Variants in RNF145 observed in about 807,000 individuals in gnomAD.
The protein encoded by RNF145 is ring finger protein 145.
Under a neutral mutation model 57.3 loss-of-function variants are expected in RNF145, and 12 were observed. The ratio of observed to expected loss-of-function variants is 0.21; its 90% CI spans 0.13 to 0.34. The LOEUF (loss-of-function observed/expected upper bound fraction) is 0.34. Among genes scored for constraint, RNF145 ranks in the 10% least tolerant of loss-of-function variants. The probability of loss-of-function intolerance (pLI) is 1.00; values close to 1 mark genes in which losing one functional copy is unlikely to be tolerated. For missense variants in RNF145, 429 were observed against 799.0 expected (o/e 0.54, Z 5.58); for synonymous variants, 262 against 288.3 (o/e 0.91, Z 0.92).
intron 4 of RNF145, 118 bp downstream of exon 4, chr5:159,181,842 G>A: frequency 8.2e-6 from 5 of 611,282 alleles, no homozygotes; most frequent in South Asian, 2.2e-5. Context: ...TGTGGGAAAA[G>A]TCCCCATGAA....
intron 3 of RNF145, among the ~76,000 whole-genome samples, chr5:159,184,380 A>G (rs1159636020): frequency 1.3e-5 from 2 of 152,306 alleles, no homozygotes; most frequent in Middle Eastern, 3.4e-3. Context: ...TTTTAACTCA[A>G]AAAGAAATTA....
chr5:159,200,505 T>C (rs1562075633), intron 2 of RNF145, among the ~76,000 whole-genome samples: 1 of 152,032 alleles, frequency 6.6e-6, no homozygotes, highest in East Asian at 1.9e-4. Flanking sequence ...AAATTATACC[T>C]ATAACACACT....
intron 4 of RNF145, 146 bp downstream of exon 4, chr5:159,181,814 C>G (rs1269186117): frequency 4.0e-6 from 2 of 500,164 alleles, no homozygotes; most frequent in Middle Eastern, 5.6e-4. Context: ...AAAAAAAAAC[C>G]ACCAAACAAT....
intron 1 of RNF145, chr5:159,207,854 C>G (rs1785953143): frequency 6.2e-7 from 1 of 1,614,064 alleles, no homozygotes; most frequent in African/African-American, 1.3e-5. Flanking sequence ...CATCTTTCAA[C>G]TTAAGGAACA....
chr5:159,179,409 G>A (rs1784814842), intron 4 of RNF145, among the ~76,000 whole-genome samples: 1 of 152,014 alleles, frequency 6.6e-6, no homozygotes, highest in South Asian at 2.1e-4. Context: ...ATCTCCAAGA[G>A]GTTGGCAACC....
intron 6 of RNF145, among the ~76,000 whole-genome samples, chr5:159,170,443 TG>T (rs1784511358): frequency 6.6e-6 from 1 of 152,204 alleles, no homozygotes; most frequent in African/African-American, 2.4e-5. Context: ...AAGTTTGCTA[TG>T]ATACTATTCA....
chr5:159,186,107 C>A (rs1316073873), intron 3 of RNF145, among the ~76,000 whole-genome samples: 1 of 152,102 alleles, frequency 6.6e-6, no homozygotes. Context: ...TGCCTATAGT[C>A]CCGGCTACTT....
rs1423835300 is a variant in RNF145, at chr5:159,163,913, T to C, written c.1122-834A>G. 3.3e-5 allele frequency among the ~76,000 whole-genome samples: 5 copies of C among 152,292 alleles called. No individual in the cohort carries two copies. The East Asian group carries it at 9.6e-4, about 29-fold the overall frequency. ...CATTTCTCTAAACCCTTTAGGCTAG[T>C]TCAAGCTAAACAACTTTGGCTTTCA... On this transcript the variant is annotated intron_variant, in intron 8 of 10. Transcript: ENST00000424310.
chr5:159,201,726 T>C (rs1363493383), intron 2 of RNF145, among the ~76,000 whole-genome samples: 1 of 152,210 alleles, frequency 6.6e-6, no homozygotes, highest in Non-Finnish European at 1.5e-5. Flanking sequence ...ATATACATTT[T>C]TTATATTTAC....
At position 159,157,996 on chromosome 5, in the gene RNF145, C is replaced by T. The variant is rs2113057999; in HGVS notation, c.*674G>A. On this transcript the variant is annotated 3_prime_UTR_variant, in exon 11 of 11. Transcript: ENST00000424310. ...TACATCAAAATACTGAAGACTCCGTCATAAAGTTCAAGAGTCTCAGATTAC... is the reference window on the plus strand; with the variant it reads ...TACATCAAAATACTGAAGACTCCGTTATAAAGTTCAAGAGTCTCAGATTAC... The T allele has an allele frequency of 6.5e-6, 1 of 152,866 alleles. No homozygotes were observed. Among genetic ancestry groups the T allele is most frequent in the Admixed American group, 6.5e-5 (1 of 15,298 alleles). 9.5% of individuals were successfully genotyped at this position (152,866 alleles called of 1,614,324 possible). A position where few individuals can be genotyped will look rare whatever the true frequency, so the allele number is the denominator to read the frequency against.
chr5:159,183,437 T>C (rs575999685), intron 3 of RNF145, among the ~76,000 whole-genome samples: 2 of 152,258 alleles, frequency 1.3e-5, no homozygotes, highest in Non-Finnish European at 2.9e-5. Flanking sequence ...CAAAAAATCA[T>C]CCAGTCCAAA....
intron 5 of RNF145, among the ~76,000 whole-genome samples, chr5:159,174,967 A>C (rs2113131892): frequency 6.6e-6 from 1 of 152,308 alleles, no homozygotes; most frequent in African/African-American, 2.4e-5. Context: ...ACACAGCAGG[A>C]ATTCTGCTGG....
intron 4 of RNF145, among the ~76,000 whole-genome samples, chr5:159,179,195 G>A (rs962516455): frequency 6.6e-6 from 1 of 152,010 alleles, no homozygotes; most frequent in Non-Finnish European, 1.5e-5. Flanking sequence ...TTTCATAGAA[G>A]AATATGACTC....
chr5:159,208,224 C>A lies in RNF145; in HGVS notation c.-40+1007G>T, dbSNP rs1047105471. 4.1e-6 allele frequency: 5 copies of A among 1,213,684 alleles called. No homozygotes were observed. The African/African-American group carries it at 7.6e-5, about 19-fold the overall frequency. 75.2% of individuals were successfully genotyped at this position (1,213,684 alleles called of 1,614,324 possible). A position where few individuals can be genotyped will look rare whatever the true frequency, so the allele number is the denominator to read the frequency against. On this transcript the variant is annotated intron_variant, in intron 1 of 10. Coordinates refer to ENST00000424310, the MANE Select transcript of RNF145 (RefSeq NM_001199383.2). ...GCGCAGCAGCAGTAGCAGCAGCAAC[C>A]GGGCCGCCGCCGCCGCGGGGCTAAG...
intron 2 of RNF145, among the ~76,000 whole-genome samples, chr5:159,199,991 A>G (rs1244743380): frequency 6.6e-6 from 1 of 152,138 alleles, no homozygotes; most frequent in African/African-American, 2.4e-5. Flanking sequence ...TAAAGGGGGA[A>G]AAACTCCCAC....
chr5:159,188,787 T>C (rs1259782352), intron 3 of RNF145, among the ~76,000 whole-genome samples: 1 of 152,270 alleles, frequency 6.6e-6, no homozygotes, highest in Admixed American at 6.5e-5. Context: ...CTAAACAAGT[T>C]TTTAGTCATT....
chr5:159,161,981 T>C (rs1018513811), intron 9 of RNF145, among the ~76,000 whole-genome samples: 1 of 152,206 alleles, frequency 6.6e-6, no homozygotes, highest in African/African-American at 2.4e-5. Context: ...CCTCATACCA[T>C]AGTCATTCCT....
intron 8 of RNF145, among the ~76,000 whole-genome samples, chr5:159,164,683 G>C (rs17056588): frequency 0.1 from 15,476 of 152,162 alleles, 1,097 homozygotes; most frequent in East Asian, 0.35. Context: ...TCGTGCAATA[G>C]GTTAAGTACT....
At chr5:159,207,972 T>C (rs1365267105) in intron 1 of RNF145, 2 of 1,588,508 alleles carry the variant, frequency 1.3e-6, no homozygotes, top group South Asian at 1.1e-5. Context: ...TCAGTAAAAC[T>C]GCACACTCCG....
Sources: allele counts gnomAD v4.1 joint callset (sites outside exome capture counted in the v4.1 genomes callset), GRCh38; gene constraint gnomAD v4.1.1; transcripts MANE v1.5; gene names NCBI Gene and HGNC (gene_info 2026-07-23, HGNC 2026-07-21).